Variants in TPD52 observed in about 807,000 individuals in gnomAD.
The protein encoded by TPD52 is prostate and colon associated protein.
TPD52 carries 17 observed loss-of-function variants against 31.3 expected under a neutral mutation model. The ratio of observed to expected loss-of-function variants is 0.54; its 90% CI spans 0.37 to 0.82. The LOEUF is 0.82. Ranked by LOEUF, TPD52 falls within the 40% of genes least tolerant of loss-of-function variation. TPD52 has a pLI of 0.00. For missense variants in TPD52, 212 were observed against 240.1 expected (o/e 0.88, Z 0.77); for synonymous variants, 83 against 89.6 (o/e 0.93, Z 0.42).
chr8:80,094,670 T>G (rs1175828989), intron 1 of TPD52, among the ~76,000 whole-genome samples: 1 of 150,970 alleles, frequency 6.6e-6, no homozygotes, highest in Non-Finnish European at 1.5e-5. Context: ...GGTTACACAA[T>G]GATGTGAATA....
At chr8:80,041,741 CATT>C (rs67209730) in intron 7 of TPD52, among the ~76,000 whole-genome samples, 16,820 of 151,924 alleles carry the variant, frequency 0.11, 2,742 homozygotes, top group African/African-American at 0.36. Context: ...ATCATGGCAT[CATT>C]ATAATAAAAA....
intron 1 of TPD52, among the ~76,000 whole-genome samples, chr8:80,109,076 A>G (rs1807325116): frequency 6.6e-6 from 1 of 152,200 alleles, no homozygotes. Context: ...TGCCTGGCTA[A>G]AAGTGTTCCC....
intron 1 of TPD52, among the ~76,000 whole-genome samples, chr8:80,136,523 CAAAAAAAAAAAAA>C (rs56656428): frequency 3.0e-5 from 2 of 67,080 alleles, no homozygotes; most frequent in Admixed American, 2.2e-4. Context: ...GACTCTGTCT[CAAAAAAAAAAAAA>C]AAAAAAAAAA....
At chr8:80,152,780 CAAAA>C (rs57456374) in intron 1 of TPD52, among the ~76,000 whole-genome samples, 1,724 of 83,542 alleles carry the variant, frequency 0.021, 81 homozygotes, top group African/African-American at 0.084. Flanking sequence ...GACTCCGTCT[CAAAA>C]AAAAAAAAAA....
At chr8:80,107,032 T>C (rs911708077) in intron 1 of TPD52, among the ~76,000 whole-genome samples, 2 of 151,912 alleles carry the variant, frequency 1.3e-5, no homozygotes, top group African/African-American at 2.4e-5. Context: ...TTTGTATTTT[T>C]AGTAGATACG....
At chr8:80,082,101 C>A (rs947095966) in intron 1 of TPD52, among the ~76,000 whole-genome samples, 39 of 151,524 alleles carry the variant, frequency 2.6e-4, no homozygotes, top group Non-Finnish European at 4.3e-4. Flanking sequence ...AGCCACCGTG[C>A]CCGGACTATG....
chr8:80,043,534 C>G (rs1398895110), intron 6 of TPD52, among the ~76,000 whole-genome samples: 1 of 152,148 alleles, frequency 6.6e-6, no homozygotes, highest in Non-Finnish European at 1.5e-5. Context: ...CTGCAGCTAT[C>G]AGGAAGTCAT....
At chr8:80,100,558 ATTAC>A (rs1447904292) in intron 1 of TPD52, among the ~76,000 whole-genome samples, 1 of 152,182 alleles carries the variant, frequency 6.6e-6, no homozygotes, top group African/African-American at 2.4e-5. Context: ...CATCTCAGAA[ATTAC>A]TTACTAAGTC....
chr8:80,152,794 A>AAAAAAAAAAAAAAAG (rs1810674486), intron 1 of TPD52, among the ~76,000 whole-genome samples: 1 of 151,368 alleles, frequency 6.6e-6, no homozygotes, highest in African/African-American at 2.4e-5. Context: ...AAAAAAAAAA[A>AAAAAAAAAAAAAAAG]AAAATGCCAG....
At chr8:80,126,926 A>G (rs1808654642) in intron 1 of TPD52, among the ~76,000 whole-genome samples, 1 of 152,130 alleles carries the variant, frequency 6.6e-6, no homozygotes, top group Non-Finnish European at 1.5e-5. Flanking sequence ...TGAGCAACAT[A>G]GAGAAACCCT....
intron 1 of TPD52, among the ~76,000 whole-genome samples, chr8:80,090,480 A>C (rs1816175105): frequency 6.6e-6 from 1 of 152,222 alleles, no homozygotes; most frequent in South Asian, 2.1e-4. Context: ...GGGGCCAAGG[A>C]AGGTTCAGGG....
At chr8:80,157,951 C>T (rs1811085221) in intron 1 of TPD52, among the ~76,000 whole-genome samples, 1 of 152,140 alleles carries the variant, frequency 6.6e-6, no homozygotes, top group Non-Finnish European at 1.5e-5. Flanking sequence ...CATAGCAAAT[C>T]CAGTTATTCT....
chr8:80,060,701 G>T (rs1812422060), intron 2 of TPD52, among the ~76,000 whole-genome samples: 1 of 151,228 alleles, frequency 6.6e-6, no homozygotes, highest in South Asian at 2.1e-4. Flanking sequence ...CATTAATATA[G>T]TAAAGGGGAA....
At chr8:80,050,400 C>A in intron 5 of TPD52, 45 bp downstream of exon 5, 1 of 1,576,606 alleles carries the variant, frequency 6.3e-7, no homozygotes. Flanking sequence ...GCACACTTTT[C>A]TTATACAACT....
intron 7 of TPD52, 119 bp from the exon 8 acceptor site, chr8:80,038,354 G>T: frequency 2.0e-6 from 2 of 1,017,420 alleles, no homozygotes; most frequent in Non-Finnish European, 2.9e-6. Context: ...ATAGCTCAGT[G>T]ATTATTATAT....
intron 1 of TPD52, among the ~76,000 whole-genome samples, chr8:80,095,513 T>C (rs1816660690): frequency 6.6e-6 from 1 of 152,152 alleles, no homozygotes; most frequent in East Asian, 1.9e-4. Context: ...CAGACTTTAG[T>C]TAATAATAAT....
intron 1 of TPD52, among the ~76,000 whole-genome samples, chr8:80,078,874 C>G (rs904079139): frequency 2.5e-4 from 38 of 152,002 alleles, no homozygotes; most frequent in African/African-American, 8.7e-4. Flanking sequence ...AGAAAACATC[C>G]CAAGGCAGCC....
chr8:80,075,346 A>G (rs1474391852), intron 1 of TPD52, among the ~76,000 whole-genome samples: 1 of 152,166 alleles, frequency 6.6e-6, no homozygotes, highest in Non-Finnish European at 1.5e-5. Context: ...ACAAAAAGGG[A>G]AAGGAGCGCT....
chr8:80,133,524 C>T (rs1304706489), intron 1 of TPD52, among the ~76,000 whole-genome samples: 2 of 152,286 alleles, frequency 1.3e-5, no homozygotes, highest in African/African-American at 4.8e-5. Flanking sequence ...CCACTTTCTC[C>T]AGTTGCCCAG....
Sources: gnomAD v4.1 joint callset for allele counts (sites outside exome capture counted in the v4.1 genomes callset) on GRCh38, gnomAD v4.1.1 for gene constraint, MANE v1.5 for transcripts, NCBI Gene and HGNC (gene_info 2026-07-23, HGNC 2026-07-21) for gene names.